PLA2G10: variants seen among roughly 807,000 people sequenced by gnomAD.
PLA2G10 encodes group 10 secretory phospholipase A2.
In PLA2G10, 9 loss-of-function variants were observed where a neutral mutation model predicts 7.9. The ratio of observed to expected loss-of-function variants is 1.14; its 90% CI spans 0.68 to 1.98. PLA2G10 has a LOEUF of 1.98. PLA2G10 is among the 30% of genes most tolerant of loss of function. PLA2G10 has a pLI of 0.00. For missense variants in PLA2G10, 53 were observed against 65.4 expected (o/e 0.81, Z 0.66); for synonymous variants, 19 against 27.5 (o/e 0.69, Z 0.97).
At chr16:14,693,319 G>A (rs1961185691) in intron 1 of PLA2G10, among the ~76,000 whole-genome samples, 1 of 33,438 alleles carries the variant, frequency 3.0e-5, no homozygotes, top group Admixed American at 3.4e-4. Context: ...CTGTGTGTGT[G>A]TGTGTGTGTG....
intron 3 of PLA2G10, among the ~76,000 whole-genome samples, chr16:14,675,306 C>A (rs1040248727): frequency 6.6e-6 from 1 of 151,938 alleles, no homozygotes. Flanking sequence ...CTACAAAACT[C>A]ACCATATACA....
At chr16:14,674,188 A>C (rs1960664633) in intron 3 of PLA2G10, among the ~76,000 whole-genome samples, 1 of 152,160 alleles carries the variant, frequency 6.6e-6, no homozygotes, top group African/African-American at 2.4e-5. Context: ...GGAAGGTGAA[A>C]GATCTCTACA....
intron 3 of PLA2G10, chr16:14,678,534 C>A: frequency 4.3e-6 from 1 of 232,042 alleles, no homozygotes. Flanking sequence ...TTTGGGAGGC[C>A]GAGGTAGGTG....
intron 3 of PLA2G10, among the ~76,000 whole-genome samples, chr16:14,683,012 T>C (rs572707628): frequency 6.6e-6 from 1 of 152,062 alleles, no homozygotes; most frequent in Non-Finnish European, 1.5e-5. Flanking sequence ...GAGTTTGCAG[T>C]GGGCAGAGAT....
chr16:14,677,518 C>A (rs953754490), intron 3 of PLA2G10, among the ~76,000 whole-genome samples: 1 of 152,160 alleles, frequency 6.6e-6, no homozygotes, highest in Non-Finnish European at 1.5e-5. Flanking sequence ...AGGCGCACAC[C>A]ACCACGCCTA....
chr16:14,679,736 A>G (rs1960835778), intron 3 of PLA2G10, among the ~76,000 whole-genome samples: 1 of 151,850 alleles, frequency 6.6e-6, no homozygotes, highest in Non-Finnish European at 1.5e-5. Context: ...CTGTAGTCCC[A>G]GCTACTTGAG....
At chr16:14,677,515 C>T (rs1341430271) in intron 3 of PLA2G10, among the ~76,000 whole-genome samples, 7 of 152,116 alleles carry the variant, frequency 4.6e-5, no homozygotes, top group East Asian at 1.9e-4. Context: ...TACAGGCGCA[C>T]ACCACCACGC....
At chr16:14,676,793 G>T (rs1405457110) in intron 3 of PLA2G10, among the ~76,000 whole-genome samples, 4 of 152,164 alleles carry the variant, frequency 2.6e-5, no homozygotes, top group African/African-American at 9.7e-5. Context: ...GAAGCAACTT[G>T]GATGAATTGA....
At chr16:14,679,099 C>T (rs1489801185) in intron 3 of PLA2G10, among the ~76,000 whole-genome samples, 1 of 152,166 alleles carries the variant, frequency 6.6e-6, no homozygotes, top group Non-Finnish European at 1.5e-5. Flanking sequence ...CTCTCAGTAA[C>T]AGAGAAATCC....
chr16:14,688,005 T>A (rs71374725), intron 3 of PLA2G10, among the ~76,000 whole-genome samples, 160 bp downstream of exon 3: 36,861 of 147,774 alleles, frequency 0.25, 3,580 homozygotes, highest in South Asian at 0.32. Flanking sequence ...ACTCAAAAAA[T>A]AAATAAAATA....
chr16:14,673,367 ATAATAG>A lies in PLA2G10; in HGVS notation c.356-624_356-619del, dbSNP rs1773013424. On this transcript the variant is annotated intron_variant, in intron 3 of 3. Coordinates refer to ENST00000438167, the MANE Select transcript of PLA2G10 (RefSeq NM_003561.3). The stretch of plus-strand genomic sequence containing the variant: ...TTGGGGATTCCTTTATTTAAAAATA[ATAATAG>A]TAATTATTTATTTTTTGAGATAAGG... Among the ~76,000 whole-genome samples, 20 of 150,002 alleles carry A rather than the reference ATAATAG, an allele frequency of 1.3e-4. No individual in the cohort carries two copies. In the South Asian group the frequency reaches 4.2e-3, roughly 32 times the overall value.
intron 3 of PLA2G10, among the ~76,000 whole-genome samples, chr16:14,673,016 C>CTTTTTTTTTTTTTT (rs1293093227): frequency 7.8e-5 from 10 of 128,564 alleles, no homozygotes; most frequent in Non-Finnish European, 1.2e-4. Context: ...TTTTTCTTTT[C>CTTTTTTTTTTTTTT]TTTTTTTTTT....
Position 14,672,574 on chromosome 16 carries a change from C to T in PLA2G10, c.*33G>A, listed in dbSNP as rs772560235. ...TCATTACTGAGAGGACGCTTTATTT[C>T]CTTGTGCAAAAGAGCATTTCAAGTC... On this transcript the variant is annotated 3_prime_UTR_variant, in exon 4 of 4. Transcript: ENST00000438167. 25 of 1,609,760 alleles carry T rather than the reference C, an allele frequency of 1.6e-5. No individual in the cohort carries two copies. Among genetic ancestry groups the T allele is most frequent in the Non-Finnish European group, 2.0e-5 (24 of 1,177,082 alleles).
chr16:14,684,981 C>T (rs1003925973), intron 3 of PLA2G10, among the ~76,000 whole-genome samples: 9 of 152,112 alleles, frequency 5.9e-5, no homozygotes, highest in African/African-American at 2.2e-4. Context: ...ACCCAAATGC[C>T]CATCATTGAA....
At chr16:14,677,969 T>C (rs550277160) in intron 3 of PLA2G10, among the ~76,000 whole-genome samples, 14 of 152,044 alleles carry the variant, frequency 9.2e-5, no homozygotes, top group Non-Finnish European at 1.8e-4. Context: ...AATGGATGAA[T>C]AGATGGCGAG....
chr16:14,686,918 C>T (rs1209138736), intron 3 of PLA2G10, among the ~76,000 whole-genome samples: 1 of 152,012 alleles, frequency 6.6e-6, no homozygotes, highest in African/African-American at 2.4e-5. Flanking sequence ...CCAGCCTGAC[C>T]AACATGGCAA....
intron 3 of PLA2G10, among the ~76,000 whole-genome samples, chr16:14,682,932 G>A (rs71374722): frequency 0.09 from 13,651 of 152,066 alleles, 738 homozygotes; most frequent in East Asian, 0.24. Flanking sequence ...AACTGGGTGT[G>A]GTGGCAGGGG....
intron 3 of PLA2G10, chr16:14,678,757 A>G (rs1453695640): frequency 2.5e-6 from 1 of 392,218 alleles, no homozygotes; most frequent in Non-Finnish European, 5.0e-6. Flanking sequence ...GTGACAGAGC[A>G]AGACTGTCTC....
chr16:14,682,518 G>A (rs1251664597), intron 3 of PLA2G10, among the ~76,000 whole-genome samples: 1 of 152,160 alleles, frequency 6.6e-6, no homozygotes, highest in Non-Finnish European at 1.5e-5. Flanking sequence ...GTGAGTTGCA[G>A]TGAGTTGAGA....
Sources: allele counts gnomAD v4.1 joint callset (sites outside exome capture counted in the v4.1 genomes callset), GRCh38; gene constraint gnomAD v4.1.1; transcripts MANE v1.5; gene names NCBI Gene and HGNC (gene_info 2026-07-23, HGNC 2026-07-21).